Variants in CNBD1 observed in about 807,000 individuals in gnomAD.
CNBD1 encodes the protein cyclic nucleotide binding domain containing 1, also known as cyclic nucleotide-binding domain-containing protein 1.
CNBD1 carries 71 observed loss-of-function variants against 54.4 expected under a neutral mutation model. The observed-to-expected ratio is 1.30, with a 90% CI of 1.08 to 1.59. CNBD1 has a LOEUF of 1.59. CNBD1 is among the 40% of genes most tolerant of loss of function. CNBD1 has a pLI of 0.00. For synonymous variants in CNBD1, 182 were observed against 170.7 expected (o/e 1.07, Z -0.51); for missense variants, 659 against 518.0 (o/e 1.27, Z -2.64).
intron 4 of CNBD1, among the ~76,000 whole-genome samples, chr8:87,179,243 G>A (rs997510324): frequency 2.9e-4 from 44 of 152,064 alleles, no homozygotes; most frequent in African/African-American, 9.7e-4. Context: ...AGGAAACTTC[G>A]AAGAAACATT....
At chr8:87,390,330 A>T (rs1398606622) in intron 2 of CNBD1, among the ~76,000 whole-genome samples, 5 of 152,282 alleles carry the variant, frequency 3.3e-5, no homozygotes, top group East Asian at 3.9e-4. Context: ...TATGGGAAAA[A>T]ATTTTTGCAA....
At chr8:87,405,002 A>T (rs528253069) in intron 2 of CNBD1, among the ~76,000 whole-genome samples, 62 of 152,232 alleles carry the variant, frequency 4.1e-4, no homozygotes, top group African/African-American at 1.4e-3. Flanking sequence ...GGAAGCAGCA[A>T]GAAAGATTTT....
At chr8:87,349,521 G>A (rs770385923) in intron 8 of CNBD1, among the ~76,000 whole-genome samples, 40 of 152,080 alleles carry the variant, frequency 2.6e-4, no homozygotes, top group Non-Finnish European at 4.4e-4. Context: ...AATTACAGGT[G>A]CGCGCCACCA....
intron 4 of CNBD1, among the ~76,000 whole-genome samples, chr8:86,971,369 AC>A (rs1246600673): frequency 6.6e-6 from 1 of 152,186 alleles, no homozygotes; most frequent in African/African-American, 2.4e-5. Flanking sequence ...ATTGCCTCCC[AC>A]CAGGTACCTC....
intron 8 of CNBD1, among the ~76,000 whole-genome samples, chr8:87,329,776 T>A (rs905085781): frequency 1.3e-5 from 2 of 151,992 alleles, no homozygotes; most frequent in Non-Finnish European, 2.9e-5. Context: ...TATTATCCCT[T>A]ATTAGTTCCA....
intron 2 of CNBD1, among the ~76,000 whole-genome samples, chr8:87,410,969 C>T (rs1807731095): frequency 6.6e-6 from 1 of 152,002 alleles, no homozygotes; most frequent in South Asian, 2.1e-4. Context: ...GGTGTATGTA[C>T]ATTTTTTAGA....
At chr8:87,351,639 A>G (rs1810296303) in intron 8 of CNBD1, 46 bp from the exon 9 acceptor site, 1 of 1,419,610 alleles carries the variant, frequency 7.0e-7, no homozygotes, top group Non-Finnish European at 9.3e-7. Context: ...AAAATAATTT[A>G]TTAAAGACAA....
chr8:87,320,095 A>G (rs1034447873), intron 8 of CNBD1, among the ~76,000 whole-genome samples: 1 of 152,110 alleles, frequency 6.6e-6, no homozygotes, highest in Non-Finnish European at 1.5e-5. Context: ...TGCTGTTTGC[A>G]TTGCATGACA....
intron 6 of CNBD1, among the ~76,000 whole-genome samples, chr8:87,273,469 A>G (rs1363396206): frequency 6.6e-6 from 1 of 151,972 alleles, no homozygotes; most frequent in Non-Finnish European, 1.5e-5. Flanking sequence ...CAAATTCAAA[A>G]TAACAACAAA....
intron 8 of CNBD1, among the ~76,000 whole-genome samples, chr8:87,325,787 C>A (rs1170304800): frequency 6.7e-6 from 1 of 149,224 alleles, no homozygotes; most frequent in Non-Finnish European, 1.5e-5. Context: ...TTAATTGGAG[C>A]ATTTAGTCCA....
At chr8:87,095,008 C>T (rs967266341) in intron 4 of CNBD1, among the ~76,000 whole-genome samples, 1 of 152,178 alleles carries the variant, frequency 6.6e-6, no homozygotes, top group Non-Finnish European at 1.5e-5. Context: ...CGTGGCACAC[C>T]AGCCTGAGCA....
chr8:87,102,876 A>C (rs6980960), intron 4 of CNBD1, among the ~76,000 whole-genome samples: 33,338 of 152,032 alleles, frequency 0.22, 3,777 homozygotes, highest in Middle Eastern at 0.25. Flanking sequence ...AGCTTCCCAA[A>C]GTGCTGGGGT....
chr8:87,081,680 A>T (rs988659677), intron 4 of CNBD1, among the ~76,000 whole-genome samples: 13 of 150,738 alleles, frequency 8.6e-5, no homozygotes, highest in African/African-American at 2.7e-4. Flanking sequence ...ATTTTTTTTC[A>T]TATTTTTAGT....
intron 4 of CNBD1, among the ~76,000 whole-genome samples, chr8:87,087,660 G>T (rs1030977162): frequency 6.6e-6 from 1 of 151,868 alleles, no homozygotes; most frequent in East Asian, 1.9e-4. Context: ...TAGAGACGGG[G>T]TTTCACCGTG....
intron 10 of CNBD1, among the ~76,000 whole-genome samples, chr8:87,368,186 G>C (rs115252965): frequency 1.2e-4 from 17 of 144,196 alleles, no homozygotes; most frequent in Non-Finnish European, 2.5e-4. Flanking sequence ...GAAAAGAAAA[G>C]AATATGTTAT....
intron 4 of CNBD1, among the ~76,000 whole-genome samples, chr8:87,025,888 A>G (rs776567747): frequency 6.6e-6 from 1 of 152,184 alleles, no homozygotes; most frequent in Non-Finnish European, 1.5e-5. Flanking sequence ...GAAGGAACCA[A>G]TTCAGGACAC....
chr8:87,394,769 C>T (rs1210793722), intron 2 of CNBD1, among the ~76,000 whole-genome samples: 1 of 151,838 alleles, frequency 6.6e-6, no homozygotes, highest in African/African-American at 2.4e-5. Context: ...GATAATTAAA[C>T]TCATCTGTTT....
intron 4 of CNBD1, among the ~76,000 whole-genome samples, chr8:87,010,400 C>A (rs977030803): frequency 4.6e-5 from 7 of 151,942 alleles, no homozygotes; most frequent in Admixed American, 4.6e-4. Context: ...CTACTAGGTT[C>A]TTTTTTTCTG....
intron 2 of CNBD1, among the ~76,000 whole-genome samples, chr8:87,398,533 A>G (rs1811447692): frequency 6.6e-6 from 1 of 151,912 alleles, no homozygotes; most frequent in African/African-American, 2.4e-5. Flanking sequence ...AATTTTTCCA[A>G]ATGCTTTTCA....
Sources: allele counts gnomAD v4.1 joint callset (sites outside exome capture counted in the v4.1 genomes callset), GRCh38; gene constraint gnomAD v4.1.1; transcripts MANE v1.5; gene names NCBI Gene and HGNC (gene_info 2026-07-23, HGNC 2026-07-21).